The following SLCO1A2 variants were observed in gnomAD, a reference collection of about 807,000 sequenced individuals.
The protein encoded by SLCO1A2 is OATP-1.
Under a neutral mutation model 69.0 loss-of-function variants are expected in SLCO1A2, and 67 were observed. The ratio of observed to expected loss-of-function variants is 0.97; its 90% CI spans 0.80 to 1.19. SLCO1A2 has a LOEUF of 1.19. SLCO1A2 is among the 50% of genes most tolerant of loss of function. The pLI is 0.00. For missense variants in SLCO1A2, 787 were observed against 793.7 expected (o/e 0.99, Z 0.10); for synonymous variants, 260 against 265.9 (o/e 0.98, Z 0.22).
At chr12:21,390,246 AC>A (rs1321763735) in intron 1 of SLCO1A2, among the ~76,000 whole-genome samples, 21 of 152,040 alleles carry the variant, frequency 1.4e-4, no homozygotes, top group Non-Finnish European at 1.2e-4. Context: ...GAGGCATCTG[AC>A]CATATGGCCA....
chr12:21,347,616 G>A (rs1486394182), intron 2 of SLCO1A2, among the ~76,000 whole-genome samples: 1 of 147,420 alleles, frequency 6.8e-6, no homozygotes, highest in African/African-American at 2.5e-5. Context: ...CTGCACTGCA[G>A]CCTGGGTGAA....
At position 21,334,850 on chromosome 12, in the gene SLCO1A2, G is replaced by C; in HGVS notation, c.-86C>G. The C allele has an allele frequency of 6.5e-6, 3 of 460,198 alleles. No individual in the cohort carries two copies. The South Asian group carries it at 1.2e-4, about 19-fold the overall frequency. 28.5% of individuals were successfully genotyped at this position (460,198 alleles called of 1,614,324 possible). A position where few individuals can be genotyped will look rare whatever the true frequency, so the allele number is the denominator to read the frequency against. ...ACCTGGAACGCTTTAATACAGATTA[G>C]AAAATCATGGTGTTAGAGAAGATTT... On this transcript the variant is annotated 5_prime_UTR_variant, in exon 1 of 15. Coordinates refer to ENST00000683939, the MANE Select transcript of SLCO1A2 (RefSeq NM_001386879.1).
intron 4 of SLCO1A2, among the ~76,000 whole-genome samples, chr12:21,311,961 A>T (rs1233515631): frequency 6.6e-6 from 1 of 151,422 alleles, no homozygotes; most frequent in South Asian, 2.1e-4. Flanking sequence ...GAGAATGAGA[A>T]GGAGAAGAAG....
intron 2 of SLCO1A2, among the ~76,000 whole-genome samples, chr12:21,333,657 G>C (rs907153825): frequency 6.6e-5 from 10 of 151,970 alleles, no homozygotes; most frequent in African/African-American, 2.4e-4. Flanking sequence ...AATACCACTT[G>C]ACTTTTCTCC....
intron 2 of SLCO1A2, among the ~76,000 whole-genome samples, chr12:21,359,325 A>C (rs1484233432): frequency 6.6e-6 from 1 of 152,182 alleles, no homozygotes; most frequent in Non-Finnish European, 1.5e-5. Context: ...ACACTAGTTT[A>C]AAAACAGGGA....
chr12:21,375,497 A>AT lies in SLCO1A2; in HGVS notation c.-189-973dup, dbSNP rs1388523423. Among the ~76,000 whole-genome samples, 9 of 152,330 alleles carry AT rather than the reference A, an allele frequency of 5.9e-5. No homozygotes were observed. The South Asian group carries it at 1.0e-3, about 18-fold the overall frequency. ...ACAAAATTTAATCATCTCATTTGAG[A>AT]TTTTTTCAATTTGTAAATGTATGAA... On this transcript the variant is annotated intron_variant, in intron 1 of 15. Transcript: ENST00000307378.
intron 2 of SLCO1A2, among the ~76,000 whole-genome samples, chr12:21,372,533 A>T (rs1218295802): frequency 6.6e-6 from 1 of 152,126 alleles, no homozygotes. Context: ...TTGGGTTTAG[A>T]TATACCAAAA....
intron 2 of SLCO1A2, among the ~76,000 whole-genome samples, chr12:21,345,027 T>A (rs115309986): frequency 1.3e-5 from 2 of 151,956 alleles, no homozygotes; most frequent in African/African-American, 4.8e-5. Flanking sequence ...GGTGGGTAAA[T>A]GTTACTTTTC....
At chr12:21,278,903 G>T (rs546028169) in intron 12 of SLCO1A2, among the ~76,000 whole-genome samples, 1 of 152,242 alleles carries the variant, frequency 6.6e-6, no homozygotes, top group African/African-American at 2.4e-5. Flanking sequence ...TGACTTTTCA[G>T]ATGGAGAATT....
chr12:21,389,928 A>G lies in SLCO1A2; in HGVS notation c.-190+4978T>C, dbSNP rs185842519. 1.1e-3 allele frequency among the ~76,000 whole-genome samples: 164 copies of G among 149,588 alleles called. 1 individual carries two copies. The highest frequency in any genetic ancestry group is 3.6e-3 in the African/African-American group (150 of 41,132). On this transcript the variant is annotated intron_variant, in intron 1 of 15. Coordinates refer to the SLCO1A2 transcript ENST00000307378. ...ATATTACTAATTATATTATATAATTATAGTATATTACTAATATACTTTTAT... is the reference window on the plus strand; with the variant it reads ...ATATTACTAATTATATTATATAATTGTAGTATATTACTAATATACTTTTAT...
chr12:21,303,948 TTAAA>T (rs1949036243), intron 6 of SLCO1A2, among the ~76,000 whole-genome samples: 1 of 152,084 alleles, frequency 6.6e-6, no homozygotes, highest in Admixed American at 6.5e-5. Flanking sequence ...GAAGACATGA[TTAAA>T]ACAATGCTTG....
At chr12:21,416,431 A>G (rs975586511) in intron 1 of SLCO1A2, among the ~76,000 whole-genome samples, 2 of 151,964 alleles carry the variant, frequency 1.3e-5, no homozygotes, top group Non-Finnish European at 2.9e-5. Flanking sequence ...CCACAGATCA[A>G]GTTTATATTT....
intron 2 of SLCO1A2, among the ~76,000 whole-genome samples, chr12:21,358,581 A>G (rs1253704468): frequency 6.6e-6 from 1 of 152,138 alleles, no homozygotes; most frequent in African/African-American, 2.4e-5. Context: ...ATCATCATAT[A>G]TAGATAATTT....
chr12:21,339,053 T>C (rs115682852), upstream of SLCO1A2, among the ~76,000 whole-genome samples: 531 of 152,130 alleles, frequency 3.5e-3, 10 homozygotes, highest in African/African-American at 0.012. Context: ...CTTTGCAAGA[T>C]TGTCATGAAG....
intron 3 of SLCO1A2, 149 bp downstream of exon 3, chr12:21,318,633 T>G: frequency 1.7e-6 from 1 of 579,544 alleles, no homozygotes. Context: ...CCAAGCATAT[T>G]CTAAGCTTAG....
At chr12:21,301,586 C>T (rs1170572004) in intron 6 of SLCO1A2, among the ~76,000 whole-genome samples, 1 of 152,102 alleles carries the variant, frequency 6.6e-6, no homozygotes, top group Non-Finnish European at 1.5e-5. Context: ...CGTGATATAA[C>T]CAAGGTCCTG....
At chr12:21,312,048 A>AGAG (rs1040179452) in intron 4 of SLCO1A2, among the ~76,000 whole-genome samples, 2 of 144,070 alleles carry the variant, frequency 1.4e-5, no homozygotes, top group Non-Finnish European at 3.1e-5. Flanking sequence ...AGGAAGAAGA[A>AGAG]GAGGAGGAGA....
At chr12:21,270,960 A>T (rs1942717510) in intron 14 of SLCO1A2, among the ~76,000 whole-genome samples, 1 of 151,676 alleles carries the variant, frequency 6.6e-6, no homozygotes, top group South Asian at 2.1e-4. Flanking sequence ...TCTATTTATT[A>T]ATTTCTTCAT....
intron 1 of SLCO1A2, chr12:21,378,576 A>G (rs1245912452): frequency 1.9e-5 from 12 of 639,882 alleles, no homozygotes; most frequent in Non-Finnish European, 3.0e-5. Context: ...ATTGTTTTAT[A>G]TGTAGTACTA....
Sources: allele counts gnomAD v4.1 joint callset (sites outside exome capture counted in the v4.1 genomes callset), GRCh38; gene constraint gnomAD v4.1.1; transcripts MANE v1.5; gene names NCBI Gene and HGNC (gene_info 2026-07-23, HGNC 2026-07-21).